The following XRCC1 variants were observed in gnomAD, a reference collection of about 807,000 sequenced individuals.
XRCC1 encodes the protein DNA repair protein XRCC1.
In XRCC1, 52 loss-of-function variants were observed where a neutral mutation model predicts 83.3. That is an observed-to-expected ratio of 0.62 (90% CI 0.50 to 0.79). XRCC1 has a LOEUF of 0.79. Among genes scored for constraint, XRCC1 ranks in the 30% least tolerant of loss-of-function variants. The pLI, the probability that XRCC1 is intolerant of heterozygous loss-of-function variation, is 0.00. For synonymous variants in XRCC1, 281 were observed against 312.6 expected (o/e 0.90, Z 1.07); for missense variants, 793 against 823.5 (o/e 0.96, Z 0.45).
At position 43,545,746 on chromosome 19, in the gene XRCC1, G is replaced by A. The variant is rs1015964487; in HGVS notation, c.1621+72C>T. 7 of 1,581,864 alleles carry A rather than the reference G, an allele frequency of 4.4e-6. No individual in the cohort carries two copies. The Admixed American group carries it at 1.2e-4, about 27-fold the overall frequency. ...CGGGGGCAGCAGTGACCCCAGGGCT[G>A]GCCAGGGCAAGTCCCAGCTGAGAAC... On this transcript the variant is annotated intron_variant, in intron 14 of 16. Coordinates refer to ENST00000262887, the MANE Select transcript of XRCC1 (RefSeq NM_006297.3).
At chr19:43,562,164 A>C (rs1041761135) in intron 2 of XRCC1, among the ~76,000 whole-genome samples, 10 of 151,142 alleles carry the variant, frequency 6.6e-5, no homozygotes, top group African/African-American at 9.7e-5. Flanking sequence ...AAAAAAAAAA[A>C]ACCAAGGTAC....
chr19:43,544,104 A>G (rs773566885), intron 15 of XRCC1, 40 bp downstream of exon 15: 31 of 1,530,076 alleles, frequency 2.0e-5, no homozygotes, highest in Non-Finnish European at 2.3e-5. Flanking sequence ...GTTCCCTTGG[A>G]TCCATCACCC....
At chr19:43,562,096 A>G (rs1369500963) in intron 2 of XRCC1, among the ~76,000 whole-genome samples, 1 of 148,806 alleles carries the variant, frequency 6.7e-6, no homozygotes, top group African/African-American at 2.5e-5. Flanking sequence ...CAGTAAGCAG[A>G]GATCATGCCA....
intron 2 of XRCC1, among the ~76,000 whole-genome samples, chr19:43,569,233 GA>G (rs1316678723): frequency 6.6e-6 from 1 of 152,136 alleles, no homozygotes; most frequent in Non-Finnish European, 1.5e-5. Context: ...AAGGATTTAA[GA>G]AGCTGAGGCA....
In XRCC1 at chr19:43,554,924, G is replaced by A. The variant is rs550069628; in HGVS notation, c.256-120C>T. On this transcript the variant is annotated intron_variant, in intron 3 of 16. Transcript: ENST00000262887. ...GGGGACTGGGAGTCACTAGAATGTA[G>A]CTTGGGCCTAGATGTCTCCAGACCC... 7.3e-5 allele frequency: 85 copies of A among 1,168,164 alleles called. 1 individual carries two copies. The Admixed American group carries it at 2.2e-3, about 30-fold the overall frequency. 72.4% of individuals were successfully genotyped at this position (1,168,164 alleles called of 1,614,324 possible). A position where few individuals can be genotyped will look rare whatever the true frequency, so the allele number is the denominator to read the frequency against.
intron 10 of XRCC1, among the ~76,000 whole-genome samples, chr19:43,549,562 A>G (rs1972555083): frequency 6.6e-6 from 1 of 151,950 alleles, no homozygotes; most frequent in Admixed American, 6.6e-5. Flanking sequence ...CACTCAGCCA[A>G]ATTTTTATTT....
Position 43,554,742 on chromosome 19 carries a change from G to A in XRCC1, c.318C>T (p.Asn106=), listed in dbSNP as rs778575133. Residue 106 remains asparagine (N), a synonymous_variant, in exon 4 of 17, where the codon AAC becomes AAT. Coordinates refer to ENST00000262887, the MANE Select transcript of XRCC1 (RefSeq NM_006297.3). ...PSESRSGSNP[N]RVRMFGPDKL... The stretch of plus-strand genomic sequence containing the variant: ...TGTCAGGCCCAAACATGCGAACGCG[G>A]TTGGGGTTTGAGCCACTGCGGCTCT... The A allele has an allele frequency of 6.2e-7, 1 of 1,614,066 alleles. No individual in the cohort carries two copies. The highest frequency in any genetic ancestry group is 1.7e-5 in the Admixed American group (1 of 60,014).
In XRCC1 at chr19:43,546,532, G is replaced by A. The variant is rs545129240; in HGVS notation, c.1426+63C>T. On this transcript the variant is annotated intron_variant, in intron 12 of 16. Coordinates refer to ENST00000262887, the MANE Select transcript of XRCC1 (RefSeq NM_006297.3). ...TCCCTCAGACTCAGGAGCCCAGGCCGCAGGCCCTCCTCCCTCAGACTCAGG... is the reference window on the plus strand; with the variant it reads ...TCCCTCAGACTCAGGAGCCCAGGCCACAGGCCCTCCTCCCTCAGACTCAGG... 32 of 1,460,428 alleles carry A rather than the reference G, an allele frequency of 2.2e-5. No homozygotes were observed. The East Asian group carries it at 2.3e-4, about 10-fold the overall frequency. The allele number at this position is 1,460,428 out of a possible 1,614,324, so 90.5% of individuals were successfully genotyped here.
At chr19:43,556,898 G>A (rs374894272) in intron 3 of XRCC1, among the ~76,000 whole-genome samples, 49 of 152,256 alleles carry the variant, frequency 3.2e-4, no homozygotes, top group African/African-American at 1.1e-3. Context: ...CCAGCTACTC[G>A]AGAGGCTGAG....
intron 2 of XRCC1, among the ~76,000 whole-genome samples, chr19:43,562,730 G>A (rs1398684261): frequency 6.6e-6 from 1 of 152,084 alleles, no homozygotes; most frequent in African/African-American, 2.4e-5. Context: ...ACAGAGTGAT[G>A]AGACCTTGTC....
intron 10 of XRCC1, among the ~76,000 whole-genome samples, chr19:43,548,295 C>T (rs1274295389): frequency 2.0e-5 from 3 of 152,056 alleles, no homozygotes; most frequent in African/African-American, 4.8e-5. Flanking sequence ...TCATTGAGAA[C>T]GGGCCATGAT....
intron 4 of XRCC1, among the ~76,000 whole-genome samples, 196 bp downstream of exon 4, chr19:43,554,450 T>TC (rs11386899): frequency 1 from 152,267 of 152,268 alleles, 76,133 homozygotes; most frequent in Non-Finnish European, 1. Flanking sequence ...CTTCCTAGAT[T>TC]CCTCCGGGAG....
intron 10 of XRCC1, among the ~76,000 whole-genome samples, chr19:43,550,814 C>T (rs1226723264): frequency 6.6e-6 from 1 of 152,206 alleles, no homozygotes; most frequent in East Asian, 1.9e-4. Context: ...TTGAAGACCC[C>T]TCGCTCTCTG....
Position 43,553,646 on chromosome 19 carries a change from C to G in XRCC1, c.452G>C (p.Ser151Thr). 1.3e-6 allele frequency: 2 copies of G among 1,542,776 alleles called. No homozygotes were observed. The highest frequency in any genetic ancestry group is 1.8e-6 in the Non-Finnish European group (2 of 1,139,146). Residue 151 changes from serine (S) to threonine (T), a missense_variant, in exon 5 of 17, where the codon AGC becomes ACC. Ser to Thr is a moderately conservative substitution (Grantham distance 58). Coordinates refer to ENST00000262887, the MANE Select transcript of XRCC1 (RefSeq NM_006297.3). ...CTCTGCCTCATCTTTGTCTGGGGGG[C>G]TATGAAACCGTACAAAACTCAAGCC... ...PFGLSFVRFH[S>T]PPDKDEAEAP... is the part of the protein sequence containing the mutation.
At chr19:43,558,658 A>G (rs1180002037) in intron 3 of XRCC1, among the ~76,000 whole-genome samples, 1 of 151,654 alleles carries the variant, frequency 6.6e-6, no homozygotes, top group East Asian at 1.9e-4. Flanking sequence ...ATAAATAAAT[A>G]CATATATACA....
chr19:43,572,070 A>G (rs1365818128), intron 2 of XRCC1, among the ~76,000 whole-genome samples: 3 of 152,002 alleles, frequency 2.0e-5, no homozygotes, highest in African/African-American at 7.3e-5. Context: ...TCACCTCCCC[A>G]AGCTGCTCCC....
intron 3 of XRCC1, among the ~76,000 whole-genome samples, chr19:43,560,637 G>A (rs933017529): frequency 1.3e-5 from 2 of 152,160 alleles, no homozygotes; most frequent in Non-Finnish European, 2.9e-5. Context: ...CCCAGTGAGA[G>A]TGATTTCAGA....
chr19:43,557,177 C>T (rs972785807), intron 3 of XRCC1, among the ~76,000 whole-genome samples: 2 of 150,986 alleles, frequency 1.3e-5, no homozygotes, highest in African/African-American at 2.4e-5. Flanking sequence ...GGCATGGTGG[C>T]GCGTGCCTGT....
Position 43,560,859 on chromosome 19 carries a change from G to A in XRCC1, c.255+51C>T, listed in dbSNP as rs747460915. ...CAGCCCCTGGGGGAGACGGTGATGC[G>A]AGCATGAGGGGCAGAGGTCAGTATG... On this transcript the variant is annotated intron_variant, in intron 3 of 16. Coordinates refer to ENST00000262887, the MANE Select transcript of XRCC1 (RefSeq NM_006297.3). 6.8e-6 allele frequency: 10 copies of A among 1,472,276 alleles called. 1 individual carries two copies. The highest frequency in any genetic ancestry group is 4.5e-5 in the East Asian group (2 of 44,248). The allele number at this position is 1,472,276 out of a possible 1,614,324, so 91.2% of individuals were successfully genotyped here. A position where few individuals can be genotyped will look rare whatever the true frequency, so the allele number is the denominator to read the frequency against.
Sources: allele counts gnomAD v4.1 joint callset (sites outside exome capture counted in the v4.1 genomes callset), GRCh38; gene constraint gnomAD v4.1.1; transcripts MANE v1.5; gene names NCBI Gene and HGNC (gene_info 2026-07-23, HGNC 2026-07-21).